ANKRD44: variants seen among roughly 807,000 people sequenced by gnomAD.
The protein encoded by ANKRD44 is ankyrin repeat domain 44.
ANKRD44 carries 35 observed loss-of-function variants against 116.0 expected under a neutral mutation model. The observed-to-expected ratio is 0.30, with a 90% CI of 0.23 to 0.40. ANKRD44 has a LOEUF of 0.40. Ranked by LOEUF, ANKRD44 falls within the 10% of genes least tolerant of loss-of-function variation. ANKRD44 has a pLI of 1.00. For synonymous variants in ANKRD44, 435 were observed against 461.8 expected (o/e 0.94, Z 0.74); for missense variants, 1,014 against 1,242.6 (o/e 0.82, Z 2.77).
At chr2:197,065,342 G>A (rs2077408630) in intron 16 of ANKRD44, among the ~76,000 whole-genome samples, 1 of 152,164 alleles carries the variant, frequency 6.6e-6, no homozygotes, top group Admixed American at 6.5e-5. Context: ...ATACCCACAA[G>A]AGAAAGCAGG....
intron 1 of ANKRD44, among the ~76,000 whole-genome samples, chr2:197,257,094 C>A (rs1254806453): frequency 6.6e-6 from 1 of 152,184 alleles, no homozygotes; most frequent in Admixed American, 6.5e-5. Context: ...AAAGCACTCT[C>A]CTTGCACAGG....
At chr2:197,039,104 T>C (rs1302875147) in intron 16 of ANKRD44, among the ~76,000 whole-genome samples, 1 of 152,230 alleles carries the variant, frequency 6.6e-6, no homozygotes, top group African/African-American at 2.4e-5. Flanking sequence ...AGAATCATAC[T>C]TCACCTTAAT....
chr2:196,979,165 G>C (rs559871823), intron 21 of ANKRD44, among the ~76,000 whole-genome samples: 59 of 152,040 alleles, frequency 3.9e-4, no homozygotes, highest in Non-Finnish European at 7.5e-4. Context: ...GGGAGGCCGA[G>C]GCGGGCGGAT....
At chr2:197,107,938 C>T (rs747659588) in intron 9 of ANKRD44, among the ~76,000 whole-genome samples, 18 of 152,232 alleles carry the variant, frequency 1.2e-4, no homozygotes, top group South Asian at 4.1e-4. Flanking sequence ...TGGAAGAATT[C>T]ACAGTTCTCA....
At chr2:196,998,799 T>C (rs973743673) in intron 24 of ANKRD44, 108 bp downstream of exon 24, 46 of 1,452,124 alleles carry the variant, frequency 3.2e-5, no homozygotes, top group Non-Finnish European at 4.1e-5. Context: ...AAACTGCTAA[T>C]GGCCCTTTTC....
intron 9 of ANKRD44, among the ~76,000 whole-genome samples, chr2:197,102,942 G>T (rs1439121684): frequency 6.6e-6 from 1 of 152,004 alleles, no homozygotes; most frequent in East Asian, 1.9e-4. Flanking sequence ...AAAAAATTTG[G>T]GGGGTGGCGG....
At chr2:197,193,357 T>A (rs1349148629) in intron 1 of ANKRD44, among the ~76,000 whole-genome samples, 1 of 152,176 alleles carries the variant, frequency 6.6e-6, no homozygotes, top group Non-Finnish European at 1.5e-5. Flanking sequence ...GACAAAAAGT[T>A]GGGCCAAAGG....
chr2:197,028,935 C>A (rs903480084), intron 16 of ANKRD44: 5 of 154,012 alleles, frequency 3.2e-5, no homozygotes, highest in African/African-American at 1.2e-4. Context: ...CTACCTTATC[C>A]CCCAGAGTTT....
At chr2:197,023,378 C>A (rs2076532972) in intron 17 of ANKRD44, among the ~76,000 whole-genome samples, 1 of 152,082 alleles carries the variant, frequency 6.6e-6, no homozygotes, top group Admixed American at 6.5e-5. Context: ...GTGGGGAAAC[C>A]ATGCACAGGT....
intron 1 of ANKRD44, among the ~76,000 whole-genome samples, chr2:197,262,532 C>T (rs940197615): frequency 1.3e-5 from 2 of 152,188 alleles, no homozygotes; most frequent in Admixed American, 1.3e-4. Flanking sequence ...GGAAATTCCA[C>T]GTAAAAATTT....
chr2:197,218,589 T>C (rs745826087), intron 1 of ANKRD44, among the ~76,000 whole-genome samples: 6 of 152,114 alleles, frequency 3.9e-5, no homozygotes, highest in Non-Finnish European at 5.9e-5. Context: ...CAGCCCACTT[T>C]GTACCTCCCG....
In ANKRD44 at chr2:196,987,743, A is replaced by G; in HGVS notation, c.*1848T>C. 1 of 985,424 alleles carries G rather than the reference A, an allele frequency of 1.0e-6. No individual in the cohort carries two copies. The highest frequency in any genetic ancestry group is 1.7e-5 in the African/African-American group (1 of 57,364). The allele number at this position is 985,424 out of a possible 1,614,324, so 61.0% of individuals were successfully genotyped here. ...ACAGGCAGACACTGGCAAATAAGTA[A>G]GTGCAATGAAACATGATCCTTGTAG... On this transcript the variant is annotated 3_prime_UTR_variant, in exon 28 of 28. Transcript: ENST00000282272.
At position 197,083,422 on chromosome 2, in the gene ANKRD44, A is replaced by T; in HGVS notation, c.1404T>A (p.Asp468Glu). 6.2e-7 allele frequency: 1 copy of T among 1,614,012 alleles called. No individual in the cohort carries two copies. ...VTTGANVNET[D>E]DWGRTALHYA... ...AATGCAAAGCTGTGCGTCCCCAGTC[A>T]TCTGTTTCATTAACGTTGGCCCCTG... is the stretch of plus-strand genomic sequence containing the variant. The change falls in exon 14 of 28, where the codon GAT becomes GAA. Residue 468 changes from aspartate (D) to glutamate (E), a missense_variant. Asp to Glu is a conservative substitution (Grantham distance 45). Coordinates refer to ENST00000282272, the MANE Select transcript of ANKRD44 (RefSeq NM_001195144.2).
At chr2:197,294,028 T>C (rs1466729316) in intron 1 of ANKRD44, among the ~76,000 whole-genome samples, 2 of 152,092 alleles carry the variant, frequency 1.3e-5, no homozygotes, top group Non-Finnish European at 2.9e-5. Flanking sequence ...AAATAAGAGC[T>C]CTACCTCCAC....
intron 1 of ANKRD44, among the ~76,000 whole-genome samples, chr2:197,290,272 A>G (rs1159081033): frequency 6.6e-6 from 1 of 152,188 alleles, no homozygotes; most frequent in Admixed American, 6.5e-5. Context: ...ATTGTGTTGC[A>G]ACTTTTTAAT....
chr2:197,090,901 C>T (rs990262246), intron 10 of ANKRD44, among the ~76,000 whole-genome samples: 2 of 152,198 alleles, frequency 1.3e-5, no homozygotes, highest in African/African-American at 4.8e-5. Context: ...CATCCCATCC[C>T]CTTTTCAGCT....
At chr2:197,011,560 C>T (rs2076302271) in intron 18 of ANKRD44, among the ~76,000 whole-genome samples, 1 of 151,620 alleles carries the variant, frequency 6.6e-6, no homozygotes, top group Non-Finnish European at 1.5e-5. Flanking sequence ...GCAACCTCTG[C>T]CTCCTGGGTT....
At chr2:197,016,078 A>G in intron 17 of ANKRD44, 1 of 459,402 alleles carries the variant, frequency 2.2e-6, no homozygotes, top group Non-Finnish European at 4.3e-6. Context: ...GGAGAGCTGC[A>G]GGTTACTTTG....
At chr2:197,160,840 T>C (rs1336641605) in intron 2 of ANKRD44, among the ~76,000 whole-genome samples, 1 of 152,074 alleles carries the variant, frequency 6.6e-6, no homozygotes, top group African/African-American at 2.4e-5. Context: ...GCTGAAAACC[T>C]TCAAATAAGT....
Sources: allele counts gnomAD v4.1 joint callset (sites outside exome capture counted in the v4.1 genomes callset), GRCh38; gene constraint gnomAD v4.1.1; transcripts MANE v1.5; gene names NCBI Gene and HGNC (gene_info 2026-07-23, HGNC 2026-07-21).